The following KIF3B variants were observed in gnomAD, a reference collection of about 807,000 sequenced individuals.
KIF3B encodes the protein kinesin family member 3B, also known as kinesin-like protein KIF3B.
A neutral mutation model predicts 74.3 loss-of-function variants in KIF3B; 38 were observed. The observed-to-expected ratio is 0.51, with a 90% CI of 0.39 to 0.67. The LOEUF is 0.67. Ranked by LOEUF, KIF3B falls within the 30% of genes least tolerant of loss-of-function variation. KIF3B has a pLI of 0.00. For missense variants in KIF3B, 649 were observed against 932.0 expected (o/e 0.70, Z 3.95); for synonymous variants, 326 against 342.5 (o/e 0.95, Z 0.53).
At position 32,330,150 on chromosome 20, in the gene KIF3B, A is replaced by C. The variant is rs771911077; in HGVS notation, c.1978A>C (p.Ile660Leu). The C allele has an allele frequency of 6.2e-7, 1 of 1,613,116 alleles. No individual in the cohort carries two copies. ...RPEARYRAENIVLLELDMPSR... is the reference protein window; with the variant it reads ...RPEARYRAENLVLLELDMPSR... Reference sequence around the variant, plus strand: ...GGCTGTGCTTCTGCAGGCAGAAAACATTGTGCTGTTAGAGCTGGACATGCC... The same window carrying C: ...GGCTGTGCTTCTGCAGGCAGAAAACCTTGTGCTGTTAGAGCTGGACATGCC... The change falls in exon 8 of 9, where the codon ATT becomes CTT. Residue 660 changes from isoleucine to leucine, a missense_variant. Coordinates refer to ENST00000375712, the MANE Select transcript of KIF3B (RefSeq NM_004798.4).
At chr20:32,309,628 G>A in intron 1 of KIF3B, 85 bp from the exon 2 acceptor site, 1 of 780,512 alleles carries the variant, frequency 1.3e-6, no homozygotes, top group Non-Finnish European at 2.0e-6. Flanking sequence ...TTAGCAAGAT[G>A]AAGACTATTT....
In KIF3B at chr20:32,326,893, C is replaced by G; in HGVS notation, c.1862+9C>G. 7.9e-7 allele frequency: 1 copy of G among 1,260,156 alleles called. No individual in the cohort carries two copies. Among genetic ancestry groups the G allele is most frequent in the Non-Finnish European group, 1.1e-6 (1 of 877,424 alleles). The allele number at this position is 1,260,156 out of a possible 1,614,324, so 78.1% of individuals were successfully genotyped here. A position where few individuals can be genotyped will look rare whatever the true frequency, so the allele number is the denominator to read the frequency against. ...CCTATAACCAGACTGGAGTAAGTCA[C>G]TATTAACTTCAAGTATATTTTCAAG... On this transcript the variant is annotated intron_variant, in intron 6 of 8. Transcript: ENST00000375712.
chr20:32,315,900 A>G (rs1433060786), intron 2 of KIF3B, among the ~76,000 whole-genome samples: 1 of 152,102 alleles, frequency 6.6e-6, no homozygotes, highest in African/African-American at 2.4e-5. Flanking sequence ...CCCAGGACCT[A>G]ACATAAAGGG....
chr20:32,297,692 T>G (rs1600421708), intron 1 of KIF3B, among the ~76,000 whole-genome samples: 1 of 152,082 alleles, frequency 6.6e-6, no homozygotes. Context: ...GAGCAAAGCA[T>G]GCTAGATATG....
chr20:32,292,662 G>T (rs570643103), intron 1 of KIF3B, among the ~76,000 whole-genome samples: 1 of 152,140 alleles, frequency 6.6e-6, no homozygotes, highest in South Asian at 2.1e-4. Flanking sequence ...GGAGGCTGAG[G>T]TGGGACGATT....
chr20:32,316,379 G>A, intron 3 of KIF3B, 60 bp downstream of exon 3: 2 of 1,533,702 alleles, frequency 1.3e-6, no homozygotes, highest in Non-Finnish European at 9.0e-7. Context: ...ATGCTGCAGA[G>A]CAAACGTCTC....
At position 32,310,674 on chromosome 20, in the gene KIF3B, G is replaced by A. The variant is rs1228224781; in HGVS notation, c.897G>A (p.Arg299=). ...CATATCGGGACTCAAAGCTTACCAGGCTCCTCCAAGATTCCCTTGGTGGCA... is the reference window on the plus strand; with the variant it reads ...CATATCGGGACTCAAAGCTTACCAGACTCCTCCAAGATTCCCTTGGTGGCA... The part of the protein sequence containing the change: ...HIPYRDSKLT[R]LLQDSLGGNA... The change falls in exon 2 of 9, where the codon AGG becomes AGA. Residue 299 remains arginine (R), a synonymous_variant. Transcript: ENST00000375712. The surrounding 1 kb of genome is among the most constrained non-coding windows in gnomAD (Gnocchi z 6.5). 14 of 1,614,154 alleles carry A rather than the reference G, an allele frequency of 8.7e-6. No individual in the cohort carries two copies. Among genetic ancestry groups the A allele is most frequent in the Admixed American group, 1.7e-5 (1 of 60,010 alleles).
chr20:32,306,389 C>T (rs1569198331), intron 1 of KIF3B, among the ~76,000 whole-genome samples: 1 of 151,588 alleles, frequency 6.6e-6, no homozygotes, highest in African/African-American at 2.4e-5. Flanking sequence ...AGCAAGATTC[C>T]GTCTCAAAGA....
intron 1 of KIF3B, among the ~76,000 whole-genome samples, chr20:32,306,873 G>A (rs1278899632): frequency 6.6e-6 from 1 of 151,938 alleles, no homozygotes; most frequent in Admixed American, 6.6e-5. Flanking sequence ...GATTACAGGC[G>A]TGAGCCACCA....
At chr20:32,297,024 TA>T (rs1230172673) in intron 1 of KIF3B, among the ~76,000 whole-genome samples, 3 of 152,004 alleles carry the variant, frequency 2.0e-5, no homozygotes, top group Admixed American at 2.0e-4. Flanking sequence ...GGATACAGAG[TA>T]AAAACAGCTG....
At chr20:32,281,796 C>T (rs1234791894) in intron 1 of KIF3B, among the ~76,000 whole-genome samples, 1 of 152,164 alleles carries the variant, frequency 6.6e-6, no homozygotes, top group Non-Finnish European at 1.5e-5. Flanking sequence ...GAGATTTGCT[C>T]CCAGGGACGG....
chr20:32,289,013 G>A (rs1171892646), intron 1 of KIF3B, among the ~76,000 whole-genome samples: 1 of 152,284 alleles, frequency 6.6e-6, no homozygotes, highest in South Asian at 2.1e-4. Context: ...CTGATCCGGG[G>A]TTCTGAGTGG....
chr20:32,303,726 G>A (rs868098023), intron 1 of KIF3B, among the ~76,000 whole-genome samples: 1 of 151,344 alleles, frequency 6.6e-6, no homozygotes, highest in Non-Finnish European at 1.5e-5. Context: ...GTGTTGGTGG[G>A]CACCTGTAAT....
In KIF3B at chr20:32,319,566, T is replaced by TG. The variant is rs754230581; in HGVS notation, c.1748+2692_1748+2693insG. ...CACATATGTGTATATATATAGTTTT[T>TG]TTTTGTTTTGTTTTTGTTTTTTTTT... On this transcript the variant is annotated intron_variant, in intron 5 of 8. Coordinates refer to ENST00000375712, the MANE Select transcript of KIF3B (RefSeq NM_004798.4). 8.7e-3 allele frequency among the ~76,000 whole-genome samples: 1,290 copies of TG among 148,042 alleles called. 8 individuals are homozygous for TG. The highest frequency in any genetic ancestry group is 0.016 in the Non-Finnish European group (1,044 of 67,244).
chr20:32,318,794 A>G (rs2047841530), intron 5 of KIF3B, among the ~76,000 whole-genome samples: 1 of 152,158 alleles, frequency 6.6e-6, no homozygotes, highest in African/African-American at 2.4e-5. Context: ...GCATTCATGT[A>G]TAAGGTTTTG....
At chr20:32,329,584 A>G (rs1162218375) in intron 7 of KIF3B, among the ~76,000 whole-genome samples, 1 of 152,126 alleles carries the variant, frequency 6.6e-6, no homozygotes, top group African/African-American at 2.4e-5. Flanking sequence ...CTATGCATTC[A>G]GTCCTGTTGC....
chr20:32,319,246 C>G (rs894143480), intron 5 of KIF3B, among the ~76,000 whole-genome samples: 9 of 152,026 alleles, frequency 5.9e-5, no homozygotes, highest in Non-Finnish European at 1.2e-4. Context: ...CAAGTGTGAG[C>G]CACCATGCCC....
intron 1 of KIF3B, among the ~76,000 whole-genome samples, chr20:32,295,591 C>T (rs6087866): frequency 3.9e-5 from 6 of 152,078 alleles, no homozygotes; most frequent in Non-Finnish European, 4.4e-5. Flanking sequence ...CCACGCCTGG[C>T]TGACCTTATG....
chr20:32,319,135 G>GT (rs1208071712), intron 5 of KIF3B, among the ~76,000 whole-genome samples: 1 of 151,420 alleles, frequency 6.6e-6, no homozygotes, highest in Non-Finnish European at 1.5e-5. Flanking sequence ...TAATTTTTGT[G>GT]TTTTTTGTAG....
Sources: gnomAD v4.1 joint callset for allele counts (sites outside exome capture counted in the v4.1 genomes callset) on GRCh38, gnomAD v4.1.1 for gene constraint, Gnocchi (gnomAD v3.1) non-coding constraint, MANE v1.5 for transcripts, NCBI Gene and HGNC (gene_info 2026-07-23, HGNC 2026-07-21) for gene names.